The following CCDC192 variants were observed in gnomAD, a reference collection of about 807,000 sequenced individuals.
The protein encoded by CCDC192 is coiled-coil domain containing 192, also known as coiled-coil domain-containing protein 192.
intron 2 of CCDC192, among the ~76,000 whole-genome samples, chr5:127,724,349 G>T (rs563888250): frequency 1.3e-5 from 2 of 152,260 alleles, no homozygotes; most frequent in African/African-American, 4.8e-5. Context: ...TGTCTGTGGT[G>T]ACTACATTCT....
At chr5:127,804,285 T>C (rs1214184428) in intron 5 of CCDC192, among the ~76,000 whole-genome samples, 1 of 152,180 alleles carries the variant, frequency 6.6e-6, no homozygotes, top group African/African-American at 2.4e-5. Context: ...TACCCAGATA[T>C]TCTCTACAAT....
In CCDC192 at chr5:127,705,273, A is replaced by G. The variant is rs186548377; in HGVS notation, c.62+1766A>G. ...TGAGGCCATGACTCATGACCTTTAA[A>G]TATAATTGTCAGGCAGCCAAAGCTC... On this transcript the variant is annotated intron_variant, in intron 1 of 6. Transcript: ENST00000514853. Among the ~76,000 whole-genome samples, 284 of 152,304 alleles carry G rather than the reference A, an allele frequency of 1.9e-3. 1 individual carries two copies. The highest frequency in any genetic ancestry group is 3.0e-3 in the Non-Finnish European group (206 of 68,012).
In CCDC192 at chr5:127,918,216, T is replaced by TAAAAAAAAAAAAAAAAAAA. The variant is rs1219307107; in HGVS notation, c.536-22965_536-22947dup. Among the ~76,000 whole-genome samples, 100 of 100,324 alleles carry TAAAAAAAAAAAAAAAAAAA rather than the reference T, an allele frequency of 1.0e-3. 5 individuals carry two copies. The highest frequency in any genetic ancestry group is 4.3e-3 in the African/African-American group (96 of 22,100). The allele number at this position is 100,324 out of a possible 152,430, so 65.8% of individuals were successfully genotyped here. A position where few individuals can be genotyped will look rare whatever the true frequency, so the allele number is the denominator to read the frequency against. ...AGGGTTGCCAGACACCTTCAATTTG[T>TAAAAAAAAAAAAAAAAAAA]AAAAAAAAAAAAAAAAAAAGTAGTA... On this transcript the variant is annotated intron_variant, in intron 6 of 6. Transcript: ENST00000514853.
intron 3 of CCDC192, among the ~76,000 whole-genome samples, chr5:127,770,817 T>C (rs1755508008): frequency 6.6e-6 from 1 of 152,136 alleles, no homozygotes; most frequent in Non-Finnish European, 1.5e-5. Context: ...GCAGGAACAT[T>C]TTAGGAAATG....
chr5:127,718,309 A>G (rs950734211), intron 2 of CCDC192, among the ~76,000 whole-genome samples: 6 of 152,226 alleles, frequency 3.9e-5, no homozygotes, highest in Non-Finnish European at 5.9e-5. Context: ...TACAGACAGA[A>G]TGTTTTTCAG....
intron 2 of CCDC192, among the ~76,000 whole-genome samples, chr5:127,713,880 G>A (rs1751473791): frequency 6.6e-6 from 1 of 152,134 alleles, no homozygotes; most frequent in Non-Finnish European, 1.5e-5. Context: ...TTTTCTAGCT[G>A]TTTTGAAATA....
At chr5:127,857,910 C>G (rs901963127) in intron 5 of CCDC192, 23 of 152,298 alleles carry the variant, frequency 1.5e-4, no homozygotes, top group African/African-American at 5.3e-4. Flanking sequence ...CCCACAAATA[C>G]CCTCACAGCA....
intron 5 of CCDC192, among the ~76,000 whole-genome samples, chr5:127,825,667 C>A (rs1749494008): frequency 6.6e-6 from 1 of 152,156 alleles, no homozygotes; most frequent in African/African-American, 2.4e-5. Flanking sequence ...TTATTTATAG[C>A]CAATGATGTA....
At chr5:127,745,965 G>C (rs1753716871) in intron 2 of CCDC192, among the ~76,000 whole-genome samples, 1 of 152,166 alleles carries the variant, frequency 6.6e-6, no homozygotes, top group South Asian at 2.1e-4. Flanking sequence ...CCACCTCCCA[G>C]ACCTCTATCT....
chr5:127,738,821 T>A (rs1753197652), intron 2 of CCDC192, among the ~76,000 whole-genome samples: 1 of 152,216 alleles, frequency 6.6e-6, no homozygotes, highest in Non-Finnish European at 1.5e-5. Flanking sequence ...TTATTCTAGT[T>A]ACACATTCTT....
At chr5:127,750,878 T>C (rs1016243157) in intron 2 of CCDC192, among the ~76,000 whole-genome samples, 2 of 151,280 alleles carry the variant, frequency 1.3e-5, no homozygotes, top group African/African-American at 2.4e-5. Flanking sequence ...ATGGCCTTCT[T>C]TGTCTCTTTT....
At chr5:127,892,596 C>G (rs573025907) in intron 6 of CCDC192, among the ~76,000 whole-genome samples, 1 of 152,198 alleles carries the variant, frequency 6.6e-6, no homozygotes, top group Admixed American at 6.5e-5. Flanking sequence ...TAAATTTTAT[C>G]TTTGTGAGCT....
chr5:127,824,336 A>G (rs932909159), intron 5 of CCDC192, among the ~76,000 whole-genome samples: 2 of 152,218 alleles, frequency 1.3e-5, no homozygotes, highest in African/African-American at 4.8e-5. Flanking sequence ...CATGAAATCC[A>G]TTTGAATGGA....
At chr5:127,768,162 G>T (rs1409793613) in intron 3 of CCDC192, among the ~76,000 whole-genome samples, 1 of 152,044 alleles carries the variant, frequency 6.6e-6, no homozygotes, top group African/African-American at 2.4e-5. Flanking sequence ...TGAGGCAGGA[G>T]AATCGCTTGA....
chr5:127,752,598 C>G (rs1287870151), intron 2 of CCDC192, among the ~76,000 whole-genome samples: 1 of 152,248 alleles, frequency 6.6e-6, no homozygotes, highest in African/African-American at 2.4e-5. Flanking sequence ...GAGGTGGAGC[C>G]TACAGAGGCA....
Position 127,923,360 on chromosome 5 carries a change from T to A in CCDC192, c.536-17822T>A, listed in dbSNP as rs572283636. Among the ~76,000 whole-genome samples, 15 of 152,076 alleles carry A rather than the reference T, an allele frequency of 9.9e-5. 1 individual carries two copies. In the South Asian group the frequency reaches 2.7e-3, roughly 27 times the overall value. ...GGGTCCTCCCTCACCCATTTCAGAATGCTAATTTTCATTAGTCTTTTTTTT... is the reference window on the plus strand; with the variant it reads ...GGGTCCTCCCTCACCCATTTCAGAAAGCTAATTTTCATTAGTCTTTTTTTT... On this transcript the variant is annotated intron_variant, in intron 6 of 6. Coordinates refer to ENST00000514853, the MANE Select transcript of CCDC192 (RefSeq NM_001317938.2).
intron 5 of CCDC192, among the ~76,000 whole-genome samples, chr5:127,800,483 A>C (rs1757450676): frequency 6.6e-6 from 1 of 151,924 alleles, no homozygotes; most frequent in Admixed American, 6.6e-5. Flanking sequence ...ATGTACAAAC[A>C]ATCTCCAAGA....
At chr5:127,782,380 T>C (rs1756280258) in intron 3 of CCDC192, among the ~76,000 whole-genome samples, 1 of 152,184 alleles carries the variant, frequency 6.6e-6, no homozygotes, top group Non-Finnish European at 1.5e-5. Context: ...TGGAATAGCG[T>C]CAATAGGATT....
intron 6 of CCDC192, among the ~76,000 whole-genome samples, chr5:127,911,114 C>G (rs902386812): frequency 1.3e-5 from 2 of 152,206 alleles, no homozygotes; most frequent in Admixed American, 6.5e-5. Context: ...TTATCAAATC[C>G]TGCAATGGAA....
Sources: gnomAD v4.1 joint callset for allele counts (sites outside exome capture counted in the v4.1 genomes callset) on GRCh38, gnomAD v4.1.1 for gene constraint, MANE v1.5 for transcripts, NCBI Gene and HGNC (gene_info 2026-07-23, HGNC 2026-07-21) for gene names.